ADAMTS6: variants seen among roughly 807,000 people sequenced by gnomAD.
ADAMTS6 encodes A disintegrin and metalloproteinase with thrombospondin motifs 6.
A neutral mutation model predicts 144.3 loss-of-function variants in ADAMTS6; 23 were observed. The observed-to-expected ratio is 0.16, with a 90% CI of 0.11 to 0.23. ADAMTS6 has a LOEUF of 0.23. ADAMTS6 is among the 10% of genes least tolerant of loss of function. The probability of loss-of-function intolerance (pLI) is 1.00; values close to 1 mark genes in which losing one functional copy is unlikely to be tolerated. For synonymous variants in ADAMTS6, 444 were observed against 457.5 expected, an observed-to-expected ratio of 0.97 and a Z score of 0.38; for missense variants, 999 against 1,379.6, an observed-to-expected ratio of 0.72 and a Z score of 4.37.
At chr5:65,266,549 T>C (rs1055073335) in intron 12 of ADAMTS6, among the ~76,000 whole-genome samples, 14 of 151,978 alleles carry the variant, frequency 9.2e-5, no homozygotes, top group African/African-American at 3.4e-4. Context: ...CTTTGGTCTG[T>C]GTAGGACTTT....
intron 20 of ADAMTS6, among the ~76,000 whole-genome samples, chr5:65,205,043 G>T (rs911090498): frequency 8.6e-5 from 13 of 151,764 alleles, no homozygotes; most frequent in Non-Finnish European, 1.9e-4. Context: ...TGAAAGATAA[G>T]CACATTTAGT....
chr5:65,284,035 T>G (rs544245618), intron 11 of ADAMTS6, among the ~76,000 whole-genome samples: 2 of 152,244 alleles, frequency 1.3e-5, no homozygotes, highest in East Asian at 3.9e-4. Flanking sequence ...AAGTTGTCTG[T>G]ATCTCTTAAA....
intron 22 of ADAMTS6, among the ~76,000 whole-genome samples, chr5:65,176,974 TATCTTCC>T (rs941294959): frequency 2.6e-5 from 4 of 152,330 alleles, no homozygotes; most frequent in African/African-American, 9.6e-5. Flanking sequence ...ATACTTGGTT[TATCTTCC>T]ACTTTCCTTT....
intron 18 of ADAMTS6, among the ~76,000 whole-genome samples, chr5:65,221,648 T>C (rs775407196): frequency 3.9e-5 from 6 of 152,050 alleles, no homozygotes; most frequent in Non-Finnish European, 8.8e-5. Flanking sequence ...AACTCTGTTA[T>C]AAGGCAAGAA....
intron 21 of ADAMTS6, among the ~76,000 whole-genome samples, chr5:65,194,586 T>C (rs1755218740): frequency 6.6e-6 from 1 of 152,182 alleles, no homozygotes. Flanking sequence ...TATATAACCA[T>C]TTTGAAGAAT....
chr5:65,299,574 TTTG>T (rs375663991), intron 10 of ADAMTS6, among the ~76,000 whole-genome samples: 5 of 152,138 alleles, frequency 3.3e-5, no homozygotes, highest in African/African-American at 7.2e-5. Flanking sequence ...TTGGTTTTTT[TTTG>T]TTGTTGTTGT....
intron 7 of ADAMTS6, among the ~76,000 whole-genome samples, chr5:65,381,922 A>G (rs1752081421): frequency 6.6e-6 from 1 of 152,230 alleles, no homozygotes; most frequent in Non-Finnish European, 1.5e-5. Context: ...TCAAATTAGT[A>G]TTTGTGGAAT....
At chr5:65,434,496 T>G (rs1295194760) in intron 7 of ADAMTS6, among the ~76,000 whole-genome samples, 1 of 152,128 alleles carries the variant, frequency 6.6e-6, no homozygotes, top group Non-Finnish European at 1.5e-5. Flanking sequence ...GAAATATAAC[T>G]GGAACTACCC....
intron 7 of ADAMTS6, among the ~76,000 whole-genome samples, chr5:65,411,204 T>G (rs1396239152): frequency 6.6e-6 from 1 of 152,168 alleles, no homozygotes; most frequent in Non-Finnish European, 1.5e-5. Context: ...AATCTATTTA[T>G]CCATCGGTCA....
Position 65,210,511 on chromosome 5 carries a change from A to G in ADAMTS6, c.2575+4283T>C, listed in dbSNP as rs1756447066. The G allele has an allele frequency of 7.4e-6, 3 of 402,766 alleles. No homozygotes were observed. In the South Asian group the frequency reaches 9.1e-5, roughly 12 times the overall value. The allele number at this position is 402,766 out of a possible 1,614,324, so 24.9% of individuals were successfully genotyped here. A position where few individuals can be genotyped will look rare whatever the true frequency, so the allele number is the denominator to read the frequency against. ...AGCGGAGTTGATTGGAGATGAATAT[A>G]ATGTGGAAAGCATTGATGTTCAACC... On this transcript the variant is annotated intron_variant, in intron 20 of 24. Coordinates refer to ENST00000381055, the MANE Select transcript of ADAMTS6 (RefSeq NM_197941.4).
At chr5:65,271,992 A>G (rs1162495263) in intron 12 of ADAMTS6, among the ~76,000 whole-genome samples, 1 of 152,222 alleles carries the variant, frequency 6.6e-6, no homozygotes, top group Non-Finnish European at 1.5e-5. Context: ...CTATCAGTTC[A>G]TATATTTAGC....
Position 65,232,918 on chromosome 5 carries a change from C to T in ADAMTS6, c.1934-6699G>A, listed in dbSNP as rs150774675. Among the ~76,000 whole-genome samples, 719 of 152,110 alleles carry T rather than the reference C, an allele frequency of 4.7e-3. 2 individuals carry two copies. The highest frequency in any genetic ancestry group is 0.016 in the African/African-American group (674 of 41,508). ...AGAAAAGAAAATTATAAGCCAATAT[C>T]CCTGATGAACATGGATGCAAAAGTT... On this transcript the variant is annotated intron_variant, in intron 15 of 24. Coordinates refer to ENST00000381055, the MANE Select transcript of ADAMTS6 (RefSeq NM_197941.4).
chr5:65,279,570 G>A (rs1040040107), intron 11 of ADAMTS6, among the ~76,000 whole-genome samples: 2 of 152,106 alleles, frequency 1.3e-5, no homozygotes, highest in African/African-American at 4.8e-5. Flanking sequence ...GCCTGCCTCG[G>A]CCTCCCAAAG....
chr5:65,410,075 C>T (rs986647436), intron 7 of ADAMTS6, among the ~76,000 whole-genome samples: 3 of 152,104 alleles, frequency 2.0e-5, no homozygotes, highest in Non-Finnish European at 2.9e-5. Context: ...TTCCTAAAAA[C>T]ACTTGTGCTT....
intron 7 of ADAMTS6, among the ~76,000 whole-genome samples, chr5:65,375,258 A>T (rs564531596): frequency 2.0e-5 from 3 of 152,186 alleles, no homozygotes; most frequent in Non-Finnish European, 4.4e-5. Context: ...AAATTGACAA[A>T]TGGGATCTAA....
At chr5:65,295,847 G>T (rs138910408) in intron 10 of ADAMTS6, among the ~76,000 whole-genome samples, 2 of 152,092 alleles carry the variant, frequency 1.3e-5, no homozygotes, top group East Asian at 3.9e-4. Flanking sequence ...GCAGTATGAT[G>T]AGAAAGTCAT....
In ADAMTS6 at chr5:65,197,249, T is replaced by A. The variant is rs1755447069; in HGVS notation, c.2576-98A>T. ...TCTGTGGGGAATTGACCTCACTGGA[T>A]CGCTGCCGTCTTATCTGTTCCACAT... On this transcript the variant is annotated intron_variant, in intron 20 of 24. Transcript: ENST00000381055. 4 of 1,251,844 alleles carry A rather than the reference T, an allele frequency of 3.2e-6. No homozygotes were observed. In the African/African-American group the frequency reaches 5.9e-5, roughly 19 times the overall value. 77.5% of individuals were successfully genotyped at this position (1,251,844 alleles called of 1,614,324 possible). A position where few individuals can be genotyped will look rare whatever the true frequency, so the allele number is the denominator to read the frequency against.
At chr5:65,242,239 T>C in intron 14 of ADAMTS6, 33 bp from the exon 15 acceptor site, 1 of 1,526,028 alleles carries the variant, frequency 6.6e-7, no homozygotes, top group Non-Finnish European at 9.0e-7. Flanking sequence ...ATGGTACCAT[T>C]GTTGGAAAAT....
chr5:65,210,678 A>G, intron 20 of ADAMTS6: 2 of 633,690 alleles, frequency 3.2e-6, no homozygotes, highest in South Asian at 1.5e-5. Context: ...ATGATTCTGA[A>G]AGCAAATAAT....
Sources: gnomAD v4.1 joint callset for allele counts (sites outside exome capture counted in the v4.1 genomes callset) on GRCh38, gnomAD v4.1.1 for gene constraint, MANE v1.5 for transcripts, NCBI Gene and HGNC (gene_info 2026-07-23, HGNC 2026-07-21) for gene names.